Variants in CA10 observed in about 807,000 individuals in gnomAD.
CA10 encodes the protein carbonic anhydrase-related protein 10.
In CA10, 14 loss-of-function variants were observed where a neutral mutation model predicts 44.2. The ratio of observed to expected loss-of-function variants is 0.32; its 90% CI spans 0.21 to 0.50. CA10 has a LOEUF of 0.50. CA10 is among the 20% of genes least tolerant of loss of function. The pLI is 0.99. For synonymous variants in CA10, 159 were observed against 141.6 expected, an observed-to-expected ratio of 1.12 and a Z score of -0.87; for missense variants, 350 against 409.7, an observed-to-expected ratio of 0.85 and a Z score of 1.26.
At chr17:51,831,730 CAGAAAAAGA>C (rs1484019799) in intron 3 of CA10, among the ~76,000 whole-genome samples, 1 of 146,208 alleles carries the variant, frequency 6.8e-6, no homozygotes. Flanking sequence ...GCAGCAGCAG[CAGAAAAAGA>C]CCTTCCTTCC....
intron 1 of CA10, among the ~76,000 whole-genome samples, chr17:52,123,477 A>G (rs561019401): frequency 6.6e-6 from 1 of 151,994 alleles, no homozygotes; most frequent in East Asian, 1.9e-4. Context: ...AGGACCTCCT[A>G]TGTAGGAACC....
At chr17:52,105,494 A>G (rs1433703137) in intron 1 of CA10, among the ~76,000 whole-genome samples, 3 of 152,132 alleles carry the variant, frequency 2.0e-5, no homozygotes, top group Admixed American at 2.0e-4. Flanking sequence ...TGACCTCGTG[A>G]TCTGCCCGCC....
chr17:51,739,220 G>A (rs947438828), intron 4 of CA10, among the ~76,000 whole-genome samples: 7 of 151,944 alleles, frequency 4.6e-5, no homozygotes, highest in South Asian at 2.1e-4. Context: ...TTCCTGCAGC[G>A]TTGGAAATGA....
chr17:51,902,848 C>T (rs542006306), intron 3 of CA10, among the ~76,000 whole-genome samples: 10 of 152,122 alleles, frequency 6.6e-5, no homozygotes, highest in South Asian at 2.1e-4. Context: ...TGCTTGTCTT[C>T]GGGTAGCTTA....
chr17:52,036,804 G>A (rs1162438822), intron 2 of CA10, among the ~76,000 whole-genome samples: 4 of 152,182 alleles, frequency 2.6e-5, no homozygotes, highest in Non-Finnish European at 5.9e-5. Context: ...AACACAATTA[G>A]TCCTTAATAA....
chr17:51,691,824 CTGTCCTTTCCCCAGTGTGTGT>C lies in CA10; in HGVS notation c.466-38109_466-38089del, dbSNP rs150482031. Among the ~76,000 whole-genome samples, 663 of 152,280 alleles carry C rather than the reference CTGTCCTTTCCCCAGTGTGTGT, an allele frequency of 4.4e-3. 5 individuals carry two copies. The highest frequency in any genetic ancestry group is 0.014 in the African/African-American group (594 of 41,560). On this transcript the variant is annotated intron_variant, in intron 4 of 8. Transcript: ENST00000451037. ...TTCCCAACACCATTTATTGAAGAGA[CTGTCCTTTCCCCAGTGTGTGT>C]TCTTGACACCTTTGTCACCCTTGCT...
intron 3 of CA10, among the ~76,000 whole-genome samples, chr17:51,875,877 T>G (rs907679579): frequency 6.6e-6 from 1 of 152,196 alleles, no homozygotes; most frequent in African/African-American, 2.4e-5. Flanking sequence ...TATTCCTATT[T>G]CTTTTTTCCA....
intron 2 of CA10, among the ~76,000 whole-genome samples, chr17:51,996,424 AATT>A (rs1222630117): frequency 6.6e-6 from 1 of 151,866 alleles, no homozygotes; most frequent in African/African-American, 2.4e-5. Context: ...TCCTTCCTTA[AATT>A]ATTATTATTT....
intron 2 of CA10, among the ~76,000 whole-genome samples, chr17:51,940,587 C>T (rs1598129459): frequency 3.3e-5 from 5 of 151,850 alleles, no homozygotes. Flanking sequence ...CTTTTAATCA[C>T]CTTGGAAGTA....
At chr17:51,636,040 G>A in intron 6 of CA10, 31 bp from the exon 7 acceptor site, 2 of 1,491,500 alleles carry the variant, frequency 1.3e-6, no homozygotes, top group East Asian at 2.3e-5. Flanking sequence ...TAAAAATTAG[G>A]TTTCTTGAGA....
chr17:51,721,904 T>C (rs1276579770), intron 4 of CA10, among the ~76,000 whole-genome samples: 1 of 152,138 alleles, frequency 6.6e-6, no homozygotes, highest in African/African-American at 2.4e-5. Flanking sequence ...GTATCCTTTA[T>C]AATAAACCAG....
chr17:52,149,783 G>A (rs1345470646), intron 1 of CA10, among the ~76,000 whole-genome samples: 3 of 152,130 alleles, frequency 2.0e-5, no homozygotes, highest in African/African-American at 7.2e-5. Flanking sequence ...CTTCTGGGAA[G>A]CCATCTGGAA....
chr17:51,746,739 G>A (rs905112892), intron 4 of CA10, among the ~76,000 whole-genome samples: 2 of 152,118 alleles, frequency 1.3e-5, no homozygotes, highest in Admixed American at 6.5e-5. Flanking sequence ...TTAAAATCTG[G>A]CTGCTGGACT....
At chr17:51,868,962 GATA>G (rs1979682307) in intron 3 of CA10, among the ~76,000 whole-genome samples, 1 of 150,972 alleles carries the variant, frequency 6.6e-6, no homozygotes, top group Admixed American at 6.6e-5. Context: ...GGAAAATCAA[GATA>G]ATGTCTAATT....
At chr17:51,885,657 ACATGAGTG>A (rs1187102670) in intron 3 of CA10, among the ~76,000 whole-genome samples, 1 of 152,224 alleles carries the variant, frequency 6.6e-6, no homozygotes, top group African/African-American at 2.4e-5. Flanking sequence ...TCATCTTAGC[ACATGAGTG>A]CATTGGTGTA....
intron 3 of CA10, among the ~76,000 whole-genome samples, chr17:51,828,618 T>C (rs759061251): frequency 3.9e-5 from 6 of 152,188 alleles, no homozygotes; most frequent in Non-Finnish European, 8.8e-5. Flanking sequence ...ATATTTAGAC[T>C]ACCTCCCAGT....
chr17:52,022,728 G>C (rs972407145), intron 2 of CA10, among the ~76,000 whole-genome samples: 2 of 151,858 alleles, frequency 1.3e-5, no homozygotes, highest in African/African-American at 2.4e-5. Context: ...CCATTTAAAG[G>C]CTCCTAAAAC....
intron 2 of CA10, among the ~76,000 whole-genome samples, chr17:51,955,188 T>A (rs181452342): frequency 2.6e-5 from 4 of 152,294 alleles, no homozygotes; most frequent in Admixed American, 1.3e-4. Flanking sequence ...ACTGGTTTCC[T>A]ACTGCTCCTT....
Position 52,080,223 on chromosome 17 carries a change from T to C in CA10, c.62-7830A>G, listed in dbSNP as rs546820061. Among the ~76,000 whole-genome samples the C allele has an allele frequency of 5.9e-5, 9 of 152,124 alleles. No individual in the cohort carries two copies. The East Asian group carries it at 1.6e-3, about 26-fold the overall frequency. ...ATCCCAGCACTTTGGGAGGCCAAGG[T>C]GGGCGCATCACGAGGTCAGGGGATA... On this transcript the variant is annotated intron_variant, in intron 1 of 8. Coordinates refer to ENST00000451037, the MANE Select transcript of CA10 (RefSeq NM_020178.5).
Sources: allele counts gnomAD v4.1 joint callset (sites outside exome capture counted in the v4.1 genomes callset), GRCh38; gene constraint gnomAD v4.1.1; transcripts MANE v1.5; gene names NCBI Gene and HGNC (gene_info 2026-07-23, HGNC 2026-07-21).